ANKS1B: variants seen among roughly 807,000 people sequenced by gnomAD.
The protein encoded by ANKS1B is ankyrin repeat and sterile alpha motif domain-containing protein 1B.
A neutral mutation model predicts 148.3 loss-of-function variants in ANKS1B; 36 were observed. The observed-to-expected ratio is 0.24, with a 90% CI of 0.19 to 0.32. ANKS1B has a LOEUF of 0.32. ANKS1B is among the 10% of genes least tolerant of loss of function. ANKS1B has a pLI of 1.00. For missense variants in ANKS1B, 1,157 were observed against 1,542.6 expected, an observed-to-expected ratio of 0.75 and a Z score of 4.19; for synonymous variants, 542 against 560.8, an observed-to-expected ratio of 0.97 and a Z score of 0.47.
chr12:98,881,307 T>C (rs1190102104), intron 17 of ANKS1B, among the ~76,000 whole-genome samples: 1 of 152,188 alleles, frequency 6.6e-6, no homozygotes, highest in Non-Finnish European at 1.5e-5. Context: ...TAATCAATCA[T>C]TCCAGGTGGC....
At chr12:99,486,486 ATTTATTTAT>A (rs1028827943) in intron 10 of ANKS1B, among the ~76,000 whole-genome samples, 10 of 149,264 alleles carry the variant, frequency 6.7e-5, no homozygotes, top group Non-Finnish European at 1.5e-4. Context: ...TTATTTATTT[ATTTATTTAT>A]TTTTCCCCAG....
intron 17 of ANKS1B, among the ~76,000 whole-genome samples, chr12:98,858,280 G>T (rs1186429441): frequency 6.6e-6 from 1 of 152,188 alleles, no homozygotes; most frequent in Non-Finnish European, 1.5e-5. Flanking sequence ...GTTTAGAGTA[G>T]AAGAGAAAGG....
intron 17 of ANKS1B, among the ~76,000 whole-genome samples, chr12:98,864,439 G>C (rs1354576681): frequency 6.6e-6 from 1 of 152,190 alleles, no homozygotes; most frequent in Non-Finnish European, 1.5e-5. Flanking sequence ...CATTATTCCA[G>C]ATGTTTCTGT....
intron 1 of ANKS1B, among the ~76,000 whole-genome samples, chr12:99,838,716 C>A (rs866818906): frequency 6.6e-6 from 1 of 152,044 alleles, no homozygotes; most frequent in Non-Finnish European, 1.5e-5. Context: ...AAGATGATAA[C>A]AATATTCTCT....
At chr12:98,977,607 T>C (rs1311565401) in intron 17 of ANKS1B, among the ~76,000 whole-genome samples, 1 of 152,164 alleles carries the variant, frequency 6.6e-6, no homozygotes, top group Non-Finnish European at 1.5e-5. Flanking sequence ...GGCCTATAAT[T>C]AGAAAATTAG....
intron 4 of ANKS1B, among the ~76,000 whole-genome samples, chr12:99,797,243 AT>A (rs1473367789): frequency 6.6e-6 from 1 of 151,974 alleles, no homozygotes; most frequent in African/African-American, 2.4e-5. Context: ...TTAAAAAAAA[AT>A]CAAGTGCCTT....
At chr12:98,735,199 T>C in exon 10 of ANKS1B, 1 of 399,016 alleles carries the variant, frequency 2.5e-6, no homozygotes, top group Non-Finnish European at 4.4e-6. Flanking sequence ...TTTTGTTTTG[T>C]AGTTTGCAGA....
downstream of ANKS1B, among the ~76,000 whole-genome samples, chr12:98,742,304 T>G (rs553117310): frequency 6.6e-6 from 1 of 151,518 alleles, no homozygotes; most frequent in African/African-American, 2.4e-5. Flanking sequence ...TTCACAGCAC[T>G]GGTCGTTAAC....
intron 19 of ANKS1B, among the ~76,000 whole-genome samples, chr12:98,812,637 G>T (rs1489179362): frequency 6.6e-6 from 1 of 151,856 alleles, no homozygotes; most frequent in Admixed American, 6.6e-5. Context: ...GCAGGGGTGC[G>T]ATCTCGGCTC....
chr12:99,223,528 C>T (rs528850127), intron 14 of ANKS1B, among the ~76,000 whole-genome samples: 9 of 152,078 alleles, frequency 5.9e-5, no homozygotes, highest in Admixed American at 5.9e-4. Flanking sequence ...AAGGAGCACA[C>T]AGTCTATGCA....
At chr12:99,009,600 G>A (rs1212246430) in intron 17 of ANKS1B, among the ~76,000 whole-genome samples, 1 of 152,160 alleles carries the variant, frequency 6.6e-6, no homozygotes, top group Non-Finnish European at 1.5e-5. Flanking sequence ...CAGGGGCTAA[G>A]GATTCCTTTC....
chr12:99,472,807 A>C (rs937721284), intron 10 of ANKS1B, among the ~76,000 whole-genome samples: 20 of 152,110 alleles, frequency 1.3e-4, no homozygotes, highest in African/African-American at 4.1e-4. Flanking sequence ...TGCGCTTAAA[A>C]TAAGATATAT....
At chr12:99,908,345 T>C (rs1283121679) in intron 1 of ANKS1B, among the ~76,000 whole-genome samples, 1 of 152,048 alleles carries the variant, frequency 6.6e-6, no homozygotes, top group Non-Finnish European at 1.5e-5. Flanking sequence ...TTTGGGAGGC[T>C]GAGGCTGGCA....
chr12:98,895,313 C>T, intron 17 of ANKS1B: 1 of 985,250 alleles, frequency 1.0e-6, no homozygotes. Flanking sequence ...TCCTCCGCCG[C>T]CCCCTCCGCG....
chr12:99,739,220 C>T (rs2059871247), intron 8 of ANKS1B, among the ~76,000 whole-genome samples: 1 of 151,164 alleles, frequency 6.6e-6, no homozygotes, highest in Non-Finnish European at 1.5e-5. Flanking sequence ...GGCCTTCAAC[C>T]CCACTTTGAA....
intron 12 of ANKS1B, among the ~76,000 whole-genome samples, chr12:99,337,895 T>C (rs1309155771): frequency 6.6e-6 from 1 of 152,210 alleles, no homozygotes; most frequent in Non-Finnish European, 1.5e-5. Flanking sequence ...TGTGCTGAGC[T>C]GCCTGGAGAT....
intron 17 of ANKS1B, among the ~76,000 whole-genome samples, chr12:98,858,901 A>G (rs2099585135): frequency 6.6e-6 from 1 of 152,214 alleles, no homozygotes; most frequent in Admixed American, 6.5e-5. Context: ...TGTTCTCTGT[A>G]AAATGAGAGA....
At chr12:99,381,407 C>A (rs916317052) in intron 12 of ANKS1B, among the ~76,000 whole-genome samples, 1 of 152,098 alleles carries the variant, frequency 6.6e-6, no homozygotes, top group African/African-American at 2.4e-5. Flanking sequence ...CTAAGATCAT[C>A]CAACGCACTG....
At chr12:99,643,665 C>T (rs1293465944) in intron 9 of ANKS1B, among the ~76,000 whole-genome samples, 1 of 152,180 alleles carries the variant, frequency 6.6e-6, no homozygotes, top group Non-Finnish European at 1.5e-5. Flanking sequence ...TCATTTTATC[C>T]TCTGTCCCTT....
Sources: allele counts gnomAD v4.1 joint callset (sites outside exome capture counted in the v4.1 genomes callset), GRCh38; gene constraint gnomAD v4.1.1; transcripts MANE v1.5; gene names NCBI Gene and HGNC (gene_info 2026-07-23, HGNC 2026-07-21).